The following PEAR1 variants were observed in gnomAD, a reference collection of about 807,000 sequenced individuals.
PEAR1 encodes multiple EGF-like domains protein 12.
Under a neutral mutation model 131.2 loss-of-function variants are expected in PEAR1, and 113 were observed. The observed-to-expected ratio is 0.86, with a 90% confidence interval of 0.74 to 1.01. The LOEUF (loss-of-function observed/expected upper bound fraction) is 1.01. PEAR1 is among the 50% of genes least tolerant of loss of function. The pLI is 0.00. For missense variants in PEAR1, 1,408 were observed against 1,391.1 expected (o/e 1.01, Z -0.19); for synonymous variants, 565 against 523.3 (o/e 1.08, Z -1.09).
At position 156,914,940 on chromosome 1, in the gene PEAR1, T is replaced by C; in HGVS notation, c.*142T>C. The C allele has an allele frequency of 6.6e-6, 6 of 912,472 alleles. No individual in the cohort carries two copies. The highest frequency in any genetic ancestry group is 9.4e-6 in the Non-Finnish European group (6 of 641,692). The allele number at this position is 912,472 out of a possible 1,614,324, so 56.5% of individuals were successfully genotyped here. Reference sequence around the variant, plus strand: ...GAACAACGCTTAACAGAGCAAGTGATGGGAGCCTTGTTCCTGGGTTCTACC... The same window carrying C: ...GAACAACGCTTAACAGAGCAAGTGACGGGAGCCTTGTTCCTGGGTTCTACC... On this transcript the variant is annotated 3_prime_UTR_variant, in exon 23 of 23. Coordinates refer to ENST00000292357, the MANE Select transcript of PEAR1 (RefSeq NM_001080471.3).
Position 156,910,343 on chromosome 1 carries a change from G to C in PEAR1, c.1788G>C (p.Val596=). 6.2e-7 allele frequency: 1 copy of C among 1,609,788 alleles called. No individual in the cohort carries two copies. Among genetic ancestry groups the C allele is most frequent in the Non-Finnish European group, 8.5e-7 (1 of 1,177,860 alleles). Residue 596 remains valine (V), a synonymous_variant, in exon 14 of 23, where the codon GTG becomes GTC. Coordinates refer to ENST00000292357, the MANE Select transcript of PEAR1 (RefSeq NM_001080471.3). ...GTCTCCCTGAGAATGGCAACTGCGT[G>C]TGTGCACCCGGATTCCGGGGCCCCT... The part of the protein sequence containing the change: ...GTCLPENGNC[V]CAPGFRGPSC...
In PEAR1 at chr1:156,912,507, G is replaced by C. The variant is rs769699952; in HGVS notation, c.2094G>C (p.Gly698=). The C allele has an allele frequency of 1.9e-6, 3 of 1,613,626 alleles. No individual in the cohort carries two copies. The Admixed American group carries it at 5.0e-5, about 27-fold the overall frequency. The change falls in exon 17 of 23, where the codon GGG becomes GGC. Residue 698 remains glycine (G), a synonymous_variant. Coordinates refer to ENST00000292357, the MANE Select transcript of PEAR1 (RefSeq NM_001080471.3). ...CTGTCTCCCCAGGCTGCCCTCTGGG[G>C]ACATTTGGTGCTAACTGCTCCCAGC... The part of the protein sequence containing the change: ...GHHCLEGCPL[G]TFGANCSQPC...
At chr1:156,898,168 A>C (rs1028690211) in intron 1 of PEAR1, among the ~76,000 whole-genome samples, 1 of 152,012 alleles carries the variant, frequency 6.6e-6, no homozygotes, top group Non-Finnish European at 1.5e-5. Context: ...TGGGGATGAC[A>C]ATCACCAGCA....
chr1:156,906,463 G>A lies in PEAR1; in HGVS notation c.400+95G>A. 3.2e-6 allele frequency: 5 copies of A among 1,549,294 alleles called. No individual in the cohort carries two copies. The South Asian group carries it at 5.9e-5, about 18-fold the overall frequency. ...TCCCTACCAGGGCACAGGGGCTTAG[G>A]ACCCCAGGGCGATTACCCGCCAGAG... On this transcript the variant is annotated intron_variant, in intron 5 of 22. Transcript: ENST00000292357.
Position 156,908,762 on chromosome 1 carries a change from G to C in PEAR1, c.1223G>C (p.Cys408Ser). 1.3e-6 allele frequency: 2 copies of C among 1,591,796 alleles called. No homozygotes were observed. Among genetic ancestry groups the C allele is most frequent in the African/African-American group, 1.3e-5 (1 of 74,656 alleles). Residue 408 changes from cysteine to serine, a missense_variant, in exon 10 of 23, where the codon TGT (cysteine) becomes TCT (serine). Transcript: ENST00000292357. This position sits in a 1 kb window ranked among gnomAD's most constrained non-coding sequence, Gnocchi z 4.2. ...CATGGGCCAGGGTGCCAGGAGCACT[G>C]TCTCTGCCTGCACGGTGGCGTCTGC... ...DTHGPGCQEH[C>S]LCLHGGVCQA...
In PEAR1 at chr1:156,913,842, C is replaced by G. The variant is rs367940799; in HGVS notation, c.2714-10C>G. 1.6e-5 allele frequency: 26 copies of G among 1,611,406 alleles called. No homozygotes were observed. Among genetic ancestry groups the G allele is most frequent in the East Asian group, 2.2e-5 (1 of 44,834 alleles). ...CTCCATGCGGCCTGACTTCTTTCCT[C>G]TATCCTTAGGGCTCATCTCTGAAGA... On this transcript the variant is annotated splice_polypyrimidine_tract_variant and intron_variant, in intron 21 of 22. Transcript: ENST00000292357.
At chr1:156,912,224 G>T (rs1185385438) in intron 15 of PEAR1, 23 bp from the exon 16 acceptor site, 1 of 1,596,376 alleles carries the variant, frequency 6.3e-7, no homozygotes, top group Admixed American at 1.8e-5. Context: ...TGCCCCACCA[G>T]ACAGGCCCCA....
At chr1:156,910,868 T>TCAA in intron 15 of PEAR1, 125 bp downstream of exon 15, 1 of 1,349,270 alleles carries the variant, frequency 7.4e-7, no homozygotes, top group Non-Finnish European at 1.0e-6. Context: ...AAATATTTAC[T>TCAA]GGGCACCACC....
rs1196702143 is a variant in PEAR1 at position 156,913,920 on chromosome 1, A to T, written c.2782A>T (p.Ile928Phe). 1.2e-6 allele frequency: 2 copies of T among 1,613,962 alleles called. No homozygotes were observed. The highest frequency in any genetic ancestry group is 2.7e-5 in the African/African-American group (2 of 74,936). ...GAGCAGTGAGAACCCATATGCCACC[A>T]TCCGGGACCTGCCCAGCTTGCCAGG... ...SLSSENPYAT[I>F]RDLPSLPGGP... is the part of the protein sequence containing the mutation. Residue 928 changes from isoleucine to phenylalanine, a missense_variant, in exon 22 of 23, where the codon ATC (isoleucine) becomes TTC (phenylalanine). Ile to Phe is a conservative substitution (Grantham distance 21). Transcript: ENST00000292357.
intron 3 of PEAR1, chr1:156,905,087 G>A (rs573571062): frequency 4.6e-5 from 62 of 1,358,464 alleles, no homozygotes; most frequent in South Asian, 6.3e-5. Context: ...GGGGTTGGGG[G>A]GGGGGCAAGA....
intron 2 of PEAR1, 76 bp downstream of exon 2, chr1:156,904,103 C>G (rs1649968155): frequency 8.3e-7 from 1 of 1,206,938 alleles, no homozygotes; most frequent in Non-Finnish European, 1.2e-6. Context: ...TACTGGGGTC[C>G]TTTTCTTGGT....
Position 156,906,287 on chromosome 1 carries a change from C to T in PEAR1, c.319C>T (p.Gln107Ter), listed in dbSNP as rs979903321. The T allele has an allele frequency of 8.7e-6, 14 of 1,614,040 alleles. No individual in the cohort carries two copies. Among genetic ancestry groups the T allele is most frequent in the Admixed American group, 3.3e-5 (2 of 60,004 alleles). ...CATCTCTGTCCCAGCGCTCTGTGCC[C>T]AGGAGTGTGTCCATGGCCGTTGTGT... is the stretch of plus-strand genomic sequence containing the variant. ...SRGFCVPLCA[Q>*]ECVHGRCVAP... The change falls in exon 5 of 23, where the codon CAG (glutamine) becomes TAG (stop). Residue 107 changes from glutamine to a stop codon, truncating the protein, a stop_gained. Transcript: ENST00000292357. LOFTEE classifies it high-confidence loss of function.
chr1:156,911,053 C>CTTTA (rs1558143489), intron 15 of PEAR1, among the ~76,000 whole-genome samples: 1 of 110,308 alleles, frequency 9.1e-6, no homozygotes, highest in African/African-American at 5.4e-5. Context: ...TTCTTTCTTT[C>CTTTA]TTTCTTTCTT....
chr1:156,904,928 C>G (rs968669969), intron 3 of PEAR1, 76 bp downstream of exon 3: 1 of 1,597,364 alleles, frequency 6.3e-7, no homozygotes, highest in Admixed American at 1.7e-5. Context: ...GCCCTCTGTA[C>G]CTGTTCACTT....
chr1:156,911,803 A>G (rs1651238529), intron 15 of PEAR1, among the ~76,000 whole-genome samples: 1 of 152,264 alleles, frequency 6.6e-6, no homozygotes, highest in African/African-American at 2.4e-5. Context: ...CGGGGTAAAG[A>G]AGGAAGTCAT....
chr1:156,904,114 CCTT>C, intron 2 of PEAR1, 87 bp downstream of exon 2: 1 of 1,083,466 alleles, frequency 9.2e-7, no homozygotes, highest in Non-Finnish European at 1.4e-6. Context: ...TTTTCTTGGT[CCTT>C]CCTTAATCTC....
chr1:156,910,727 C>G lies in PEAR1; in HGVS notation c.1935C>G (p.Gly645=). ...GTCYCLAGWT[G]PDCSQPCPPG... is the part of the protein sequence containing the mutation. ...GCTACTGCCTGGCTGGCTGGACAGG[C>G]CCCGACTGCTCCCAGCGTATGTGGT... The change falls in exon 15 of 23, where the codon GGC becomes GGG. Residue 645 remains glycine, a synonymous_variant. Transcript: ENST00000292357. The G allele has an allele frequency of 6.2e-7, 1 of 1,614,072 alleles. No homozygotes were observed. Among genetic ancestry groups the G allele is most frequent in the Non-Finnish European group, 8.5e-7 (1 of 1,180,010 alleles).
chr1:156,896,337 G>A (rs960457494), intron 1 of PEAR1, among the ~76,000 whole-genome samples: 1 of 152,156 alleles, frequency 6.6e-6, no homozygotes, highest in Non-Finnish European at 1.5e-5. Flanking sequence ...TAACCCAGGG[G>A]TTACCTCCCC....
chr1:156,913,735 T>G lies in PEAR1; in HGVS notation c.2688T>G (p.Asn896Lys). The G allele has an allele frequency of 1.2e-6, 2 of 1,614,052 alleles. No individual in the cohort carries two copies. Among genetic ancestry groups the G allele is most frequent in the South Asian group, 2.2e-5 (2 of 91,072 alleles). ...GAAGCTACAGCTATAGCTACAGCAA[T>G]GGCCCAGGCCCATTCTACAATAAAG... Reference protein sequence around the residue: ...LDRSYSYSYSNGPGPFYNKGL... With the variant: ...LDRSYSYSYSKGPGPFYNKGL... Residue 896 changes from asparagine to lysine, a missense_variant, in exon 21 of 23, where the codon AAT becomes AAG. Coordinates refer to ENST00000292357, the MANE Select transcript of PEAR1 (RefSeq NM_001080471.3).
Sources: allele counts gnomAD v4.1 joint callset (sites outside exome capture counted in the v4.1 genomes callset), GRCh38; gene constraint gnomAD v4.1.1; non-coding constraint Gnocchi (gnomAD v3.1); transcripts MANE v1.5; gene names NCBI Gene and HGNC (gene_info 2026-07-23, HGNC 2026-07-21).